The following MDGA2 variants were observed in gnomAD, a reference collection of about 807,000 sequenced individuals.
The protein encoded by MDGA2 is MAM domain containing glycosylphosphatidylinositol anchor 2.
A neutral mutation model predicts 117.8 loss-of-function variants in MDGA2; 40 were observed. The ratio of observed to expected loss-of-function variants is 0.34; its 90% CI spans 0.26 to 0.44. The LOEUF (loss-of-function observed/expected upper bound fraction) is 0.44. MDGA2 is among the 20% of genes least tolerant of loss of function. The pLI, the probability that MDGA2 is intolerant of heterozygous loss-of-function variation, is 1.00. For synonymous variants in MDGA2, 452 were observed against 439.0 expected, an observed-to-expected ratio of 1.03 and a Z score of -0.37; for missense variants, 1,123 against 1,250.6, an observed-to-expected ratio of 0.90 and a Z score of 1.54.
At chr14:47,237,405 T>C (rs1369312747) in intron 2 of MDGA2, among the ~76,000 whole-genome samples, 1 of 152,106 alleles carries the variant, frequency 6.6e-6, no homozygotes, top group East Asian at 1.9e-4. Flanking sequence ...CCTGAGACAA[T>C]GCAGTAGAAA....
At chr14:46,927,107 G>T (rs1884362684) in intron 9 of MDGA2, among the ~76,000 whole-genome samples, 2 of 152,068 alleles carry the variant, frequency 1.3e-5, no homozygotes, top group African/African-American at 2.4e-5. Flanking sequence ...CCTTCTGAAG[G>T]CTTATTGTTT....
chr14:46,944,688 T>G (rs1404858459), intron 9 of MDGA2, among the ~76,000 whole-genome samples: 1 of 152,000 alleles, frequency 6.6e-6, no homozygotes, highest in East Asian at 1.9e-4. Flanking sequence ...GTTTTCAATT[T>G]TACCAGTCCT....
chr14:47,357,888 G>A (rs1891031345), intron 1 of MDGA2, among the ~76,000 whole-genome samples: 1 of 152,100 alleles, frequency 6.6e-6, no homozygotes, highest in Non-Finnish European at 1.5e-5. Context: ...CAATGCCCCT[G>A]GTCTACATGA....
At chr14:46,935,993 G>A (rs532607099) in intron 9 of MDGA2, among the ~76,000 whole-genome samples, 1 of 122,776 alleles carries the variant, frequency 8.1e-6, no homozygotes, top group East Asian at 2.1e-4. Flanking sequence ...GAAGAAAAAT[G>A]AACATAATAA....
At chr14:47,158,396 G>C (rs1297979975) in intron 3 of MDGA2, among the ~76,000 whole-genome samples, 1 of 150,400 alleles carries the variant, frequency 6.6e-6, no homozygotes, top group Non-Finnish European at 1.5e-5. Flanking sequence ...GTGTGTGTGT[G>C]TGTTCATGTA....
At chr14:46,941,243 T>C (rs1057197293) in intron 9 of MDGA2, among the ~76,000 whole-genome samples, 6 of 152,216 alleles carry the variant, frequency 3.9e-5, no homozygotes, top group African/African-American at 1.2e-4. Flanking sequence ...ATTAGAATGA[T>C]AAGAGAAGGA....
chr14:46,946,772 T>A (rs1487688754), intron 9 of MDGA2, among the ~76,000 whole-genome samples: 1 of 152,020 alleles, frequency 6.6e-6, no homozygotes, highest in African/African-American at 2.4e-5. Flanking sequence ...CTTTTACCCC[T>A]AAGTTCCTCC....
At chr14:47,050,473 CAAAACTGCATGCTTACAATTT>C (rs1299770194) in intron 7 of MDGA2, among the ~76,000 whole-genome samples, 2 of 151,960 alleles carry the variant, frequency 1.3e-5, no homozygotes, top group African/African-American at 4.8e-5. Flanking sequence ...TGGGTGTTCA[CAAAACTGCATGCTTACAATTT>C]ATGCATTTTT....
chr14:47,083,791 T>C (rs1890793706), intron 6 of MDGA2, among the ~76,000 whole-genome samples: 1 of 152,052 alleles, frequency 6.6e-6, no homozygotes, highest in Non-Finnish European at 1.5e-5. Flanking sequence ...CTAGATAATG[T>C]AGACTTTAGG....
At chr14:47,005,522 T>C (rs1008046698) in intron 8 of MDGA2, among the ~76,000 whole-genome samples, 1 of 151,616 alleles carries the variant, frequency 6.6e-6, no homozygotes, top group South Asian at 2.1e-4. Context: ...AAGTTTTGTT[T>C]AGAATTTTCA....
At chr14:47,666,622 T>C (rs956440306) in intron 1 of MDGA2, among the ~76,000 whole-genome samples, 9 of 152,190 alleles carry the variant, frequency 5.9e-5, no homozygotes, top group African/African-American at 2.2e-4. Flanking sequence ...ATCGGCTCTC[T>C]GTAAAATGGA....
intron 1 of MDGA2, among the ~76,000 whole-genome samples, chr14:47,357,591 A>G (rs188840241): frequency 1.3e-5 from 2 of 152,346 alleles, no homozygotes; most frequent in East Asian, 3.9e-4. Context: ...TTCAACCAGA[A>G]GGGTAGCTCA....
In MDGA2 at chr14:47,006,593, T is replaced by C. The variant is rs562601976; in HGVS notation, c.1819+28418A>G. Among the ~76,000 whole-genome samples, 4 of 151,336 alleles carry C rather than the reference T, an allele frequency of 2.6e-5. No individual in the cohort carries two copies. The East Asian group carries it at 7.8e-4, about 29-fold the overall frequency. On this transcript the variant is annotated intron_variant, in intron 8 of 16. Transcript: ENST00000399232. The stretch of plus-strand genomic sequence containing the variant: ...TAAATAATATAAATCAAGTGTACAA[T>C]AAGAAAAGGAAAATGCCTTTAATCC...
intron 5 of MDGA2, among the ~76,000 whole-genome samples, chr14:47,101,122 T>TAGATAGATAGATAGAC (rs1390622376): frequency 7.4e-4 from 70 of 94,818 alleles, no homozygotes; most frequent in Non-Finnish European, 1.2e-3. Flanking sequence ...GATAGATAGA[T>TAGATAGATAGATAGAC]AGACAGATAG....
rs556056759 is a variant in MDGA2 at position 46,958,396 on chromosome 14, C to G, written c.1820-753G>C. 1.4e-4 allele frequency among the ~76,000 whole-genome samples: 22 copies of G among 152,256 alleles called. No homozygotes were observed. The East Asian group carries it at 4.3e-3, about 29-fold the overall frequency. On this transcript the variant is annotated intron_variant, in intron 8 of 16. Coordinates refer to ENST00000399232, the MANE Select transcript of MDGA2 (RefSeq NM_001113498.3). ...AAATAAAGATGAAAAGAAAGAGACT[C>G]TATTCAAGGAATGCATTTTCTTGGT...
intron 2 of MDGA2, among the ~76,000 whole-genome samples, chr14:47,267,993 T>C (rs535259639): frequency 6.6e-6 from 1 of 152,292 alleles, no homozygotes; most frequent in East Asian, 1.9e-4. Flanking sequence ...ATTATTTTGT[T>C]TATGGGCTTA....
intron 1 of MDGA2, among the ~76,000 whole-genome samples, chr14:47,622,067 ATC>A (rs1426553994): frequency 1.3e-5 from 2 of 152,356 alleles, no homozygotes; most frequent in African/African-American, 2.4e-5. Context: ...TTCCACATAT[ATC>A]TGTTTCATTT....
At chr14:46,889,983 A>C (rs1420400526) in intron 10 of MDGA2, among the ~76,000 whole-genome samples, 1 of 151,692 alleles carries the variant, frequency 6.6e-6, no homozygotes, top group African/African-American at 2.4e-5. Flanking sequence ...TATAGGACCC[A>C]CTCTATTGTT....
intron 3 of MDGA2, among the ~76,000 whole-genome samples, chr14:47,213,090 G>A (rs1158321185): frequency 6.6e-6 from 1 of 151,884 alleles, no homozygotes; most frequent in Non-Finnish European, 1.5e-5. Flanking sequence ...AGTTTTGGAG[G>A]AAAATAGATA....
Sources: allele counts gnomAD v4.1 joint callset (sites outside exome capture counted in the v4.1 genomes callset), GRCh38; gene constraint gnomAD v4.1.1; transcripts MANE v1.5; gene names NCBI Gene and HGNC (gene_info 2026-07-23, HGNC 2026-07-21).